Variants in MCF2L2 observed in about 807,000 individuals in gnomAD.
MCF2L2 encodes the protein probable guanine nucleotide exchange factor MCF2L2.
Under a neutral mutation model 150.2 loss-of-function variants are expected in MCF2L2, and 102 were observed. The observed-to-expected ratio is 0.68, with a 90% CI of 0.58 to 0.80. The LOEUF is 0.80. Among genes scored for constraint, MCF2L2 ranks in the 30% least tolerant of loss-of-function variants. The pLI is 0.00. For synonymous variants in MCF2L2, 465 were observed against 491.3 expected, an observed-to-expected ratio of 0.95 and a Z score of 0.71; for missense variants, 1,256 against 1,372.8, an observed-to-expected ratio of 0.91 and a Z score of 1.34.
chr3:183,195,093 A>T (rs1722036306), intron 26 of MCF2L2, 129 bp downstream of exon 26: 1 of 813,956 alleles, frequency 1.2e-6, no homozygotes, highest in Middle Eastern at 2.4e-4. Context: ...AATATTTTTT[A>T]AAAATTGGAA....
At chr3:183,261,713 A>G (rs1406468434) in intron 15 of MCF2L2, among the ~76,000 whole-genome samples, 1 of 152,092 alleles carries the variant, frequency 6.6e-6, no homozygotes, top group Non-Finnish European at 1.5e-5. Flanking sequence ...GCAAGGAAAA[A>G]ACCAGAGCTA....
intron 15 of MCF2L2, chr3:183,253,730 A>G (rs1724730945): frequency 6.6e-6 from 1 of 152,338 alleles, no homozygotes; most frequent in African/African-American, 2.4e-5. Context: ...GTGTGGGAGG[A>G]ACCGCGGCGT....
chr3:183,226,473 T>C (rs889873003), intron 18 of MCF2L2: 5 of 152,198 alleles, frequency 3.3e-5, no homozygotes, highest in African/African-American at 1.2e-4. Context: ...ACTTGTATTT[T>C]GTCTCTAACA....
chr3:183,192,359 A>C (rs915879537), intron 27 of MCF2L2, among the ~76,000 whole-genome samples: 3 of 151,916 alleles, frequency 2.0e-5, no homozygotes, highest in Non-Finnish European at 4.4e-5. Context: ...GGCTGGTCTT[A>C]AACTCCTGAC....
rs1345200911 is a variant in MCF2L2 at position 183,305,574 on chromosome 3, G to C, written c.1113+4142C>G. ...CCCATAAAGGCAACTGAGGAGGCCG[G>C]GCGCAGTGGGTCACGCCTGTAATCC... On this transcript the variant is annotated intron_variant, in intron 10 of 29. Coordinates refer to ENST00000328913, the MANE Select transcript of MCF2L2 (RefSeq NM_015078.4). The surrounding 1 kb of genome is among the most constrained non-coding windows in gnomAD (Gnocchi z 4.1). 6.6e-6 allele frequency among the ~76,000 whole-genome samples: 1 copy of C among 152,202 alleles called. No individual in the cohort carries two copies. Among genetic ancestry groups the C allele is most frequent in the Non-Finnish European group, 1.5e-5 (1 of 68,030 alleles).
chr3:183,252,720 G>A (rs1304229328), intron 15 of MCF2L2, among the ~76,000 whole-genome samples: 1 of 152,100 alleles, frequency 6.6e-6, no homozygotes, highest in African/African-American at 2.4e-5. Flanking sequence ...TTCCTTTTAC[G>A]ACAAACTCAA....
At chr3:183,409,984 ATTCT>A (rs1441847346) in intron 1 of MCF2L2, among the ~76,000 whole-genome samples, 7 of 152,202 alleles carry the variant, frequency 4.6e-5, no homozygotes, top group Admixed American at 1.3e-4. Context: ...GCTTGAGGTC[ATTCT>A]TTCTTTCAAG....
chr3:183,277,405 CACCCCTATTGAT>C, intron 14 of MCF2L2, among the ~76,000 whole-genome samples: 1 of 151,316 alleles, frequency 6.6e-6, no homozygotes, highest in Admixed American at 6.6e-5. Context: ...TTTACTGCCC[CACCCCTATTGAT>C]TCATAAGAGG....
At chr3:183,424,666 C>T (rs1716070181) in intron 1 of MCF2L2, among the ~76,000 whole-genome samples, 1 of 152,090 alleles carries the variant, frequency 6.6e-6, no homozygotes, top group Non-Finnish European at 1.5e-5. Context: ...ACAATGCGAG[C>T]AGAACAAAGC....
In MCF2L2 at chr3:183,197,620, T is replaced by C. The variant is rs898360037; in HGVS notation, c.2885-2365A>G. On this transcript the variant is annotated intron_variant, in intron 25 of 29. Transcript: ENST00000328913. This position sits in a 1 kb window ranked among gnomAD's most constrained non-coding sequence, Gnocchi z 4.5. ...ATACAGTTTTTAAAATTAAATATTA[T>C]AAGAATTAAAGTCTTTTGCTCTTCA... Among the ~76,000 whole-genome samples the C allele has an allele frequency of 3.3e-5, 5 of 152,190 alleles. No individual in the cohort carries two copies. Among genetic ancestry groups the C allele is most frequent in the Non-Finnish European group, 5.9e-5 (4 of 68,042 alleles).
At chr3:183,219,733 C>T (rs1723075394) in intron 21 of MCF2L2, 123 bp downstream of exon 21, 2 of 626,342 alleles carry the variant, frequency 3.2e-6, no homozygotes, top group Middle Eastern at 4.4e-4. Context: ...TTATAGGATA[C>T]ATACTATTTT....
In MCF2L2 at chr3:183,318,234, T is replaced by C; in HGVS notation, c.604-17A>G. 6.2e-7 allele frequency: 1 copy of C among 1,614,008 alleles called. No individual in the cohort carries two copies. The highest frequency in any genetic ancestry group is 2.2e-5 in the East Asian group (1 of 44,882). ...TTCGATGGCCTGGAAGGTCAGACAA[T>C]TGTAACAATATGGAGAGATTAACAT... On this transcript the variant is annotated splice_polypyrimidine_tract_variant and intron_variant, in intron 6 of 29. Transcript: ENST00000328913.
At chr3:183,400,428 C>T (rs1056588330) in intron 1 of MCF2L2, 4 of 456,456 alleles carry the variant, frequency 8.8e-6, no homozygotes, top group South Asian at 1.5e-5. Context: ...CTCTGTTATC[C>T]GCACCAAGGT....
rs141950649 is a variant in MCF2L2 at position 183,361,410 on chromosome 3, G to A, written c.275+17887C>T. On this transcript the variant is annotated intron_variant, in intron 3 of 29. Coordinates refer to ENST00000328913, the MANE Select transcript of MCF2L2 (RefSeq NM_015078.4). ...CAATGTTGAGAGAGGGACCTGGTAG[G>A]AGGTGATTAGATCATGGGGGCAGAT... Among the ~76,000 whole-genome samples, 758 of 152,328 alleles carry A rather than the reference G, an allele frequency of 5.0e-3. 5 individuals carry two copies. Among genetic ancestry groups the A allele is most frequent in the African/African-American group, 0.018 (730 of 41,578 alleles).
At chr3:183,329,623 A>T (rs1412387399) in intron 5 of MCF2L2, among the ~76,000 whole-genome samples, 1 of 152,286 alleles carries the variant, frequency 6.6e-6, no homozygotes, top group Non-Finnish European at 1.5e-5. Flanking sequence ...GGGCATACCC[A>T]GCAACATGGA....
chr3:183,421,802 C>T (rs1715900418), intron 1 of MCF2L2, among the ~76,000 whole-genome samples: 1 of 152,156 alleles, frequency 6.6e-6, no homozygotes, highest in Non-Finnish European at 1.5e-5. Flanking sequence ...ATCTCTGGGG[C>T]TTGTTTTTGT....
chr3:183,280,421 T>C (rs534755363), intron 14 of MCF2L2, among the ~76,000 whole-genome samples: 12 of 141,990 alleles, frequency 8.5e-5, no homozygotes, highest in Admixed American at 2.1e-4. Flanking sequence ...TGAAATTGTT[T>C]TTTTTTTCTT....
At chr3:183,205,698 C>T (rs1722445807) in intron 25 of MCF2L2, among the ~76,000 whole-genome samples, 178 bp downstream of exon 25, 1 of 152,106 alleles carries the variant, frequency 6.6e-6, no homozygotes, top group Non-Finnish European at 1.5e-5. Flanking sequence ...AATCACACAA[C>T]CCCTCCACCT....
intron 15 of MCF2L2, chr3:183,253,526 T>A (rs1040834729): frequency 6.6e-5 from 10 of 152,344 alleles, no homozygotes; most frequent in Admixed American, 5.9e-4. Flanking sequence ...TTCTCGTATT[T>A]TAGAAACGGA....
Sources: allele counts gnomAD v4.1 joint callset (sites outside exome capture counted in the v4.1 genomes callset), GRCh38; gene constraint gnomAD v4.1.1; non-coding constraint Gnocchi (gnomAD v3.1); transcripts MANE v1.5; gene names NCBI Gene and HGNC (gene_info 2026-07-23, HGNC 2026-07-21).